GLIS1: variants seen among roughly 807,000 people sequenced by gnomAD.
GLIS1 encodes the protein zinc finger protein GLIS1.
Under a neutral mutation model 63.8 loss-of-function variants are expected in GLIS1, and 24 were observed. That is an observed-to-expected ratio of 0.38 (90% confidence interval 0.27 to 0.53). The LOEUF (loss-of-function observed/expected upper bound fraction) is 0.53, where lower values mean the gene tolerates loss of function less well. GLIS1 is among the 20% of genes least tolerant of loss of function. The pLI is 0.85. For synonymous variants in GLIS1, 450 were observed against 482.5 expected (o/e 0.93, Z 0.88); for missense variants, 1,036 against 1,074.1 (o/e 0.96, Z 0.50).
chr1:53,707,682 AT>A (rs1044488383), intron 2 of GLIS1, among the ~76,000 whole-genome samples: 7 of 150,878 alleles, frequency 4.6e-5, no homozygotes, highest in African/African-American at 7.3e-5. Flanking sequence ...CCATTTATTG[AT>A]TTTTTTTTCC....
At chr1:53,575,122 T>C (rs1013212631) in intron 4 of GLIS1, among the ~76,000 whole-genome samples, 5 of 152,130 alleles carry the variant, frequency 3.3e-5, no homozygotes, top group Non-Finnish European at 5.9e-5. Flanking sequence ...AAAGATACTA[T>C]GTTCTTGGAA....
chr1:53,532,224 C>T (rs556983785), intron 4 of GLIS1, among the ~76,000 whole-genome samples: 4 of 152,196 alleles, frequency 2.6e-5, no homozygotes, highest in African/African-American at 7.2e-5. Context: ...AAGTGGGGAC[C>T]GGGGGAGGAG....
chr1:53,614,676 T>A (rs1435786030), intron 2 of GLIS1, among the ~76,000 whole-genome samples: 1 of 152,014 alleles, frequency 6.6e-6, no homozygotes, highest in East Asian at 1.9e-4. Context: ...GGATTAGGGG[T>A]GTTAAAAGCT....
intron 2 of GLIS1, among the ~76,000 whole-genome samples, chr1:53,624,026 T>C (rs1349724960): frequency 6.6e-6 from 1 of 152,224 alleles, no homozygotes; most frequent in Non-Finnish European, 1.5e-5. Flanking sequence ...GGCTTTTTGG[T>C]AAAATTTGAC....
At chr1:53,667,403 AG>A (rs771614125) in intron 2 of GLIS1, among the ~76,000 whole-genome samples, 1 of 152,208 alleles carries the variant, frequency 6.6e-6, no homozygotes, top group Non-Finnish European at 1.5e-5. Context: ...GAAGAAACGG[AG>A]GCCTGCACCA....
At chr1:53,572,992 C>T (rs1386270002) in intron 4 of GLIS1, among the ~76,000 whole-genome samples, 1 of 152,196 alleles carries the variant, frequency 6.6e-6, no homozygotes, top group African/African-American at 2.4e-5. Context: ...CAGAGCCTAG[C>T]ACACCAAAGG....
At chr1:53,514,257 A>T (rs966604722) in intron 8 of GLIS1, among the ~76,000 whole-genome samples, 1 of 152,154 alleles carries the variant, frequency 6.6e-6, no homozygotes, top group Non-Finnish European at 1.5e-5. Flanking sequence ...AAATGCACAG[A>T]TGAGGCAAGG....
intron 2 of GLIS1, among the ~76,000 whole-genome samples, chr1:53,624,831 A>G (rs990888422): frequency 6.6e-6 from 1 of 152,242 alleles, no homozygotes; most frequent in Non-Finnish European, 1.5e-5. Context: ...CAGAATATAT[A>G]AATAACTCAT....
At chr1:53,565,081 A>G (rs1455003381) in intron 4 of GLIS1, among the ~76,000 whole-genome samples, 1 of 152,044 alleles carries the variant, frequency 6.6e-6, no homozygotes, top group Non-Finnish European at 1.5e-5. Context: ...ATTAGAAGTC[A>G]ATCACATAAA....
intron 4 of GLIS1, among the ~76,000 whole-genome samples, chr1:53,556,535 G>GT (rs1644830316): frequency 7.6e-6 from 1 of 131,428 alleles, no homozygotes; most frequent in African/African-American, 3.0e-5. Flanking sequence ...CAGGTGTACT[G>GT]CAGGTGTGTG....
At chr1:53,701,437 G>A (rs942005522) in intron 2 of GLIS1, among the ~76,000 whole-genome samples, 1 of 152,204 alleles carries the variant, frequency 6.6e-6, no homozygotes, top group South Asian at 2.1e-4. Flanking sequence ...GCTCCCAGCT[G>A]TCCAACGCCC....
Position 53,604,472 on chromosome 1 carries a change from G to A in GLIS1, c.260-4194C>T, listed in dbSNP as rs1383099258. ...TTATGCTGAACCCTGCCAAGTCTGC[G>A]TGAGAGTGGGCAATGATGCATTCAG... On this transcript the variant is annotated intron_variant, in intron 2 of 10. Coordinates refer to ENST00000628545, the MANE Select transcript of GLIS1 (RefSeq NM_001367484.1). Among the ~76,000 whole-genome samples, 47 of 152,242 alleles carry A rather than the reference G, an allele frequency of 3.1e-4. 1 individual carries two copies. The highest frequency in any genetic ancestry group is 2.9e-3 in the Admixed American group (45 of 15,292).
At chr1:53,556,919 T>G (rs950722255) in intron 4 of GLIS1, among the ~76,000 whole-genome samples, 1 of 151,032 alleles carries the variant, frequency 6.6e-6, no homozygotes, top group African/African-American at 2.4e-5. Context: ...TGTGTGTGTG[T>G]GTGCAGGTGT....
intron 2 of GLIS1, among the ~76,000 whole-genome samples, chr1:53,705,290 C>A (rs11206201): frequency 0.25 from 37,960 of 152,032 alleles, 5,075 homozygotes; most frequent in African/African-American, 0.35. Flanking sequence ...CAGAGGGTAA[C>A]TTCAAGCTGG....
intron 2 of GLIS1, among the ~76,000 whole-genome samples, chr1:53,630,497 C>CTTTTT (rs5774154): frequency 6.9e-6 from 1 of 145,012 alleles, no homozygotes. Context: ...CAATTTCTTT[C>CTTTTT]TTTTTTTTTT....
At chr1:53,515,761 G>C (rs1391614612) in intron 7 of GLIS1, among the ~76,000 whole-genome samples, 1 of 148,076 alleles carries the variant, frequency 6.8e-6, no homozygotes, top group African/African-American at 2.5e-5. Flanking sequence ...TCTGGGACTG[G>C]AGCCTAAGAA....
intron 2 of GLIS1, among the ~76,000 whole-genome samples, chr1:53,685,135 C>T (rs577112136): frequency 6.6e-6 from 1 of 152,266 alleles, no homozygotes; most frequent in African/African-American, 2.4e-5. Flanking sequence ...CATGAGCAAG[C>T]AGGTAAAGGT....
chr1:53,730,578 T>G (rs1161148075), intron 2 of GLIS1, among the ~76,000 whole-genome samples: 1 of 152,180 alleles, frequency 6.6e-6, no homozygotes, highest in Non-Finnish European at 1.5e-5. Context: ...AGTAATCTGG[T>G]TGCTAAAAAG....
intron 2 of GLIS1, among the ~76,000 whole-genome samples, chr1:53,696,810 G>T (rs1427445192): frequency 6.6e-6 from 1 of 152,194 alleles, no homozygotes; most frequent in African/African-American, 2.4e-5. Flanking sequence ...AGCCTTGCCT[G>T]CCTCCCCCAG....
Sources: allele counts gnomAD v4.1 joint callset (sites outside exome capture counted in the v4.1 genomes callset), GRCh38; gene constraint gnomAD v4.1.1; transcripts MANE v1.5; gene names NCBI Gene and HGNC (gene_info 2026-07-23, HGNC 2026-07-21).